RARS2: variants seen among roughly 807,000 people sequenced by gnomAD.
The protein encoded by RARS2 is arginyl-tRNA synthetase 2, mitochondrial.
RARS2 carries 67 observed loss-of-function variants against 88.5 expected under a neutral mutation model. That is an observed-to-expected ratio of 0.76 (90% CI 0.62 to 0.93). The LOEUF is 0.93. Among genes scored for constraint, RARS2 ranks in the 40% least tolerant of loss-of-function variants. The pLI is 0.00. For synonymous variants in RARS2, 239 were observed against 230.3 expected (o/e 1.04, Z -0.34); for missense variants, 664 against 684.2 (o/e 0.97, Z 0.33).
At chr6:87,547,187 G>A (rs1782846849) in intron 6 of RARS2, among the ~76,000 whole-genome samples, 1 of 152,134 alleles carries the variant, frequency 6.6e-6, no homozygotes, top group Non-Finnish European at 1.5e-5. Context: ...TCCCTCAACT[G>A]TGAAAACAAC....
intron 7 of RARS2, 102 bp downstream of exon 7, chr6:87,545,514 C>A: frequency 7.8e-6 from 11 of 1,406,928 alleles, no homozygotes; most frequent in Middle Eastern, 1.9e-4. Context: ...GTAGGACATA[C>A]TACTTCATCC....
At chr6:87,544,520 A>T (rs1051711283) in intron 7 of RARS2, among the ~76,000 whole-genome samples, 2 of 152,228 alleles carry the variant, frequency 1.3e-5, no homozygotes, top group Non-Finnish European at 2.9e-5. Context: ...ATGTGAGAAG[A>T]TGGGCAAGGG....
At chr6:87,589,642 C>T (rs1776387021) in intron 1 of RARS2, 5 of 983,726 alleles carry the variant, frequency 5.1e-6, no homozygotes, top group Middle Eastern at 5.2e-4. Context: ...GACTTGCCGC[C>T]ACCCAGGTAA....
intron 11 of RARS2, among the ~76,000 whole-genome samples, chr6:87,522,218 T>C (rs1254985892): frequency 1.3e-5 from 2 of 151,524 alleles, no homozygotes; most frequent in Non-Finnish European, 2.9e-5. Flanking sequence ...TAATCCCAGC[T>C]ATTCAGGAGG....
intron 5 of RARS2, among the ~76,000 whole-genome samples, chr6:87,549,635 A>G (rs1713757818): frequency 1.3e-5 from 2 of 152,008 alleles, no homozygotes; most frequent in African/African-American, 2.4e-5. Context: ...CAAATTCCCA[A>G]TCAACACATT....
At chr6:87,514,548 T>C in intron 19 of RARS2, 49 bp from the exon 20 acceptor site, 1 of 1,425,408 alleles carries the variant, frequency 7.0e-7, no homozygotes. Flanking sequence ...AACAGGAATG[T>C]ATTCAATACA....
intron 4 of RARS2, among the ~76,000 whole-genome samples, chr6:87,561,659 C>CT (rs1185587902): frequency 6.6e-6 from 1 of 152,168 alleles, no homozygotes; most frequent in Non-Finnish European, 1.5e-5. Flanking sequence ...ATTCAATAGT[C>CT]TTTTTCTGAA....
intron 11 of RARS2, 29 bp from the exon 12 acceptor site, chr6:87,521,553 T>C (rs1260680248): frequency 6.4e-7 from 1 of 1,572,152 alleles, no homozygotes; most frequent in Non-Finnish European, 8.8e-7. Context: ...AAACCAAGAG[T>C]TACTAAGCAG....
intron 1 of RARS2, among the ~76,000 whole-genome samples, chr6:87,578,979 AAAAAAG>A (rs1772516521): frequency 1.3e-5 from 2 of 151,350 alleles, no homozygotes; most frequent in African/African-American, 4.8e-5. Flanking sequence ...AAAAAAAAAA[AAAAAAG>A]ACTAATATTT....
chr6:87,520,503 TA>T (rs1773492867), intron 12 of RARS2, among the ~76,000 whole-genome samples: 2 of 152,140 alleles, frequency 1.3e-5, no homozygotes, highest in Admixed American at 6.5e-5. Context: ...ATCTTCTGAG[TA>T]TTCTATTTAA....
At chr6:87,562,835 T>C in intron 3 of RARS2, 50 bp from the exon 4 acceptor site, 2 of 1,376,286 alleles carry the variant, frequency 1.5e-6, no homozygotes, top group Non-Finnish European at 2.1e-6. Flanking sequence ...ATAGGCCTAA[T>C]GAGATAGGTA....
chr6:87,517,019 C>A, intron 17 of RARS2, 139 bp from the exon 18 acceptor site: 3 of 1,324,540 alleles, frequency 2.3e-6, no homozygotes, highest in African/African-American at 1.5e-5. Context: ...TGTCTCACGT[C>A]TGTAATCCCA....
chr6:87,578,113 C>CG (rs1035668686), intron 1 of RARS2, among the ~76,000 whole-genome samples: 27 of 148,800 alleles, frequency 1.8e-4, no homozygotes, highest in African/African-American at 6.6e-4. Context: ...CGAGACCCCC[C>CG]CCCCCGCCAT....
At chr6:87,514,927 AT>A in intron 19 of RARS2, 29 bp downstream of exon 19, 2 of 1,556,668 alleles carry the variant, frequency 1.3e-6, no homozygotes, top group Non-Finnish European at 1.8e-6. Context: ...GGAGCTAGGG[AT>A]TATACAGAAA....
chr6:87,549,861 T>C (rs1783803248), intron 5 of RARS2, among the ~76,000 whole-genome samples: 1 of 152,240 alleles, frequency 6.6e-6, no homozygotes, highest in East Asian at 1.9e-4. Flanking sequence ...TTGATGACTC[T>C]TGAATATGTG....
chr6:87,517,744 T>C (rs114917004), intron 17 of RARS2, among the ~76,000 whole-genome samples: 104 of 152,260 alleles, frequency 6.8e-4, no homozygotes, highest in African/African-American at 2.4e-3. Flanking sequence ...CACATACATA[T>C]ATGTATTTGA....
intron 1 of RARS2, among the ~76,000 whole-genome samples, chr6:87,570,729 A>G (rs1769408889): frequency 6.6e-6 from 1 of 151,840 alleles, no homozygotes; most frequent in African/African-American, 2.4e-5. Flanking sequence ...CAGATTTTTT[A>G]TTTCTTATAG....
chr6:87,546,307 G>C (rs1782620963), intron 6 of RARS2, among the ~76,000 whole-genome samples: 1 of 152,170 alleles, frequency 6.6e-6, no homozygotes, highest in East Asian at 1.9e-4. Flanking sequence ...AGAGTCTCCT[G>C]TGGTTAGAGT....
intron 17 of RARS2, among the ~76,000 whole-genome samples, chr6:87,517,669 T>C (rs16879490): frequency 0.064 from 9,683 of 152,270 alleles, 391 homozygotes; most frequent in African/African-American, 0.12. Flanking sequence ...TCTGGCATGT[T>C]TGGCTTCACC....
Sources: gnomAD v4.1 joint callset for allele counts (sites outside exome capture counted in the v4.1 genomes callset) on GRCh38, gnomAD v4.1.1 for gene constraint, MANE v1.5 for transcripts, NCBI Gene and HGNC (gene_info 2026-07-23, HGNC 2026-07-21) for gene names.